The following GALNT14 variants were observed in gnomAD, a reference collection of about 807,000 sequenced individuals.
GALNT14 encodes UDP-GalNAc:polypeptide N-acetylgalactosaminyltransferase 14.
A neutral mutation model predicts 77.5 loss-of-function variants in GALNT14; 60 were observed. The observed-to-expected ratio is 0.77, with a 90% CI of 0.63 to 0.96. The LOEUF (loss-of-function observed/expected upper bound fraction) is 0.96, where lower values mean the gene tolerates loss of function less well. Among genes scored for constraint, GALNT14 ranks in the 40% least tolerant of loss-of-function variants. GALNT14 has a pLI of 0.00. For missense variants in GALNT14, 710 were observed against 731.0 expected (o/e 0.97, Z 0.33); for synonymous variants, 280 against 281.7 (o/e 0.99, Z 0.06).
At chr2:30,895,425 G>C in the GALNT14 span, among the ~76,000 whole-genome samples, 1 of 152,186 alleles carries the variant, frequency 6.6e-6, no homozygotes, top group African/African-American at 2.4e-5. Context: ...GGGGATGCCT[G>C]CCTCCCACAG....
the GALNT14 span, among the ~76,000 whole-genome samples, chr2:30,891,975 C>T: frequency 5.3e-5 from 8 of 152,272 alleles, no homozygotes; most frequent in East Asian, 1.9e-4. Context: ...ATAGATTGTT[C>T]GCTAGAGAAA....
chr2:31,042,086 G>A (rs1242644457), intron 1 of GALNT14, among the ~76,000 whole-genome samples: 2 of 152,160 alleles, frequency 1.3e-5, no homozygotes, highest in African/African-American at 2.4e-5. Flanking sequence ...TGTTATATAA[G>A]TGTGCACTCA....
intron 1 of GALNT14, 30 bp downstream of exon 1, chr2:31,137,928 T>C (rs894908057): frequency 6.3e-7 from 1 of 1,591,690 alleles, no homozygotes; most frequent in South Asian, 1.1e-5. Flanking sequence ...AAGCCACCGC[T>C]CAGCGCCAGC....
intron 1 of GALNT14, among the ~76,000 whole-genome samples, chr2:31,001,844 A>T (rs2148422243): frequency 6.6e-6 from 1 of 152,312 alleles, no homozygotes; most frequent in African/African-American, 2.4e-5. Context: ...TATACAAATA[A>T]AAATAAGTAA....
rs1334385890 is a variant in GALNT14 at position 30,942,316 on chromosome 2, G to A, written c.828-12C>T. On this transcript the variant is annotated splice_polypyrimidine_tract_variant and intron_variant, in intron 8 of 14. Transcript: ENST00000349752. Reference sequence around the variant, plus strand: ...CTATGATAGGAGTCCTGTGCATTTGGAAGAAAAAGAGAGGGGATCAGTTCT... The same window carrying A: ...CTATGATAGGAGTCCTGTGCATTTGAAAGAAAAAGAGAGGGGATCAGTTCT... 2.5e-6 allele frequency: 4 copies of A among 1,603,138 alleles called. No individual in the cohort carries two copies. The highest frequency in any genetic ancestry group is 1.7e-4 in the Middle Eastern group (1 of 6,042).
At chr2:31,079,075 C>T in intron 1 of GALNT14, 2 of 1,242,824 alleles carry the variant, frequency 1.6e-6, no homozygotes, top group Non-Finnish European at 2.1e-6. Context: ...TTCTAGAAAA[C>T]ATAAATACAT....
chr2:30,902,745 C>T, the GALNT14 span, among the ~76,000 whole-genome samples: 1 of 152,162 alleles, frequency 6.6e-6, no homozygotes, highest in African/African-American at 2.4e-5. Flanking sequence ...AAATGCCCAG[C>T]CCAGCAGTGG....
intron 1 of GALNT14, among the ~76,000 whole-genome samples, chr2:31,028,913 G>C (rs768988402): frequency 1.3e-5 from 2 of 152,166 alleles, no homozygotes; most frequent in Non-Finnish European, 2.9e-5. Flanking sequence ...TTAAAGTTGA[G>C]GGATTGGCCA....
intron 3 of GALNT14, among the ~76,000 whole-genome samples, chr2:30,961,856 GT>G (rs58789282): frequency 0.029 from 4,324 of 147,894 alleles, 65 homozygotes; most frequent in East Asian, 0.055. Flanking sequence ...TAATTTTTTG[GT>G]TTTTTTGTTT....
At chr2:31,072,882 T>G (rs897450736) in intron 1 of GALNT14, among the ~76,000 whole-genome samples, 36 of 152,200 alleles carry the variant, frequency 2.4e-4, no homozygotes, top group African/African-American at 8.7e-4. Flanking sequence ...GAGCCCTGCA[T>G]TTTTTACACA....
intron 9 of GALNT14, among the ~76,000 whole-genome samples, chr2:30,934,746 C>T (rs1487809380): frequency 1.3e-5 from 2 of 152,170 alleles, no homozygotes; most frequent in Non-Finnish European, 2.9e-5. Flanking sequence ...TCCTACATCC[C>T]CTCAACGCTC....
chr2:31,129,431 T>G (rs1320624239), intron 1 of GALNT14: 2 of 985,326 alleles, frequency 2.0e-6, no homozygotes, highest in Non-Finnish European at 2.4e-6. Flanking sequence ...AGCTAGCTCC[T>G]CTTCTGATAA....
intron 2 of GALNT14, among the ~76,000 whole-genome samples, chr2:30,989,078 G>A (rs1005102854): frequency 2.6e-5 from 4 of 152,134 alleles, no homozygotes; most frequent in South Asian, 2.1e-4. Flanking sequence ...TTTAAGAAGC[G>A]CTTACCTAGA....
intron 1 of GALNT14, among the ~76,000 whole-genome samples, chr2:31,106,777 T>C (rs974093779): frequency 1.4e-5 from 2 of 146,112 alleles, no homozygotes; most frequent in Non-Finnish European, 2.9e-5. Flanking sequence ...TTCTTCCCCC[T>C]AATATCATTG....
rs375552087 is a variant in GALNT14 at position 30,912,203 on chromosome 2, G to C, written c.1500+20C>G. On this transcript the variant is annotated intron_variant, in intron 14 of 14. Coordinates refer to ENST00000349752, the MANE Select transcript of GALNT14 (RefSeq NM_024572.4). ...ACATTACGGAGTTGGCCACATCCCA[G>C]GGACCTGCTGAGCACTTACCTGTCG... The C allele has an allele frequency of 2.5e-6, 4 of 1,613,436 alleles. No individual in the cohort carries two copies. Among genetic ancestry groups the C allele is most frequent in the Non-Finnish European group, 3.4e-6 (4 of 1,179,784 alleles).
At position 31,094,786 on chromosome 2, in the gene GALNT14, G is replaced by C. The variant is rs182552835; in HGVS notation, c.129+43172C>G. Among the ~76,000 whole-genome samples, 288 of 152,312 alleles carry C rather than the reference G, an allele frequency of 1.9e-3. 4 individuals are homozygous for C. The highest frequency in any genetic ancestry group is 6.6e-3 in the African/African-American group (274 of 41,580). On this transcript the variant is annotated intron_variant, in intron 1 of 14. Coordinates refer to ENST00000349752, the MANE Select transcript of GALNT14 (RefSeq NM_024572.4). ...GACACTCACTGTAAGGTGAATACCAGATGAGGGGCAGGGAATAGAGTAGGA... is the reference window on the plus strand; with the variant it reads ...GACACTCACTGTAAGGTGAATACCACATGAGGGGCAGGGAATAGAGTAGGA...
At chr2:30,989,585 AAT>A (rs1553351626) in intron 2 of GALNT14, among the ~76,000 whole-genome samples, 2 of 87,948 alleles carry the variant, frequency 2.3e-5, no homozygotes, top group Non-Finnish European at 4.3e-5. Flanking sequence ...TATATATAAA[AAT>A]ATATATATTA....
At chr2:31,097,897 T>TGA (rs1229062425) in intron 1 of GALNT14, among the ~76,000 whole-genome samples, 1 of 152,164 alleles carries the variant, frequency 6.6e-6, no homozygotes, top group African/African-American at 2.4e-5. Context: ...ACTAACTAGC[T>TGA]GAGTACCTTC....
At chr2:31,120,874 C>T (rs1485073214) in intron 1 of GALNT14, among the ~76,000 whole-genome samples, 1 of 152,160 alleles carries the variant, frequency 6.6e-6, no homozygotes. Flanking sequence ...AATTTTGAAT[C>T]CTCTTTGTTT....
Sources: gnomAD v4.1 joint callset for allele counts (sites outside exome capture counted in the v4.1 genomes callset) on GRCh38, gnomAD v4.1.1 for gene constraint, MANE v1.5 for transcripts, NCBI Gene and HGNC (gene_info 2026-07-23, HGNC 2026-07-21) for gene names.